MAF: variants seen among roughly 807,000 people sequenced by gnomAD.
MAF encodes the protein MAF bZIP transcription factor.
A neutral mutation model predicts 22.0 loss-of-function variants in MAF; 10 were observed. The observed-to-expected ratio is 0.45, with a 90% CI of 0.28 to 0.77. The LOEUF (loss-of-function observed/expected upper bound fraction) is 0.77. MAF is among the 30% of genes least tolerant of loss of function. The pLI, the probability that MAF is intolerant of heterozygous loss-of-function variation, is 0.12. For missense variants in MAF, 544 were observed against 548.4 expected (o/e 0.99, Z 0.08); for synonymous variants, 337 against 255.8 (o/e 1.32, Z -3.03).
chr16:79,393,004 G>C, the MAF span, among the ~76,000 whole-genome samples: 1 of 152,168 alleles, frequency 6.6e-6, no homozygotes, highest in African/African-American at 2.4e-5. Flanking sequence ...ACAATTAAAA[G>C]ACTCTCTTCC....
chr16:79,222,456 C>G, the MAF span, among the ~76,000 whole-genome samples: 1 of 152,078 alleles, frequency 6.6e-6, no homozygotes, highest in Non-Finnish European at 1.5e-5. Context: ...TAGCTAGCAT[C>G]ATAATGACAG....
the MAF span, among the ~76,000 whole-genome samples, chr16:79,283,967 C>CA: frequency 0.62 from 70,896 of 114,416 alleles, 23,013 homozygotes; most frequent in South Asian, 0.71. Flanking sequence ...ACCTCCTCCT[C>CA]AAAAAAAAAA....
the MAF span, among the ~76,000 whole-genome samples, chr16:79,452,143 C>T: frequency 2.0e-5 from 3 of 152,116 alleles, no homozygotes; most frequent in Non-Finnish European, 4.4e-5. Flanking sequence ...GACAGTGTGG[C>T]CTGCAAAGCC....
the MAF span, among the ~76,000 whole-genome samples, chr16:79,392,264 A>C: frequency 2.1e-5 from 3 of 144,604 alleles, no homozygotes; most frequent in Non-Finnish European, 3.0e-5. Context: ...AAAAGAGTAG[A>C]AGGAGGAGGA....
At chr16:79,238,098 A>G in the MAF span, among the ~76,000 whole-genome samples, 1 of 152,092 alleles carries the variant, frequency 6.6e-6, no homozygotes, top group Non-Finnish European at 1.5e-5. Context: ...TTTGACCTGC[A>G]GTCATCAGCA....
the MAF span, among the ~76,000 whole-genome samples, chr16:79,380,107 G>T: frequency 6.6e-6 from 1 of 152,114 alleles, no homozygotes; most frequent in Non-Finnish European, 1.5e-5. Context: ...ACAACTCTTT[G>T]GACCAACTAG....
chr16:79,284,289 A>G, the MAF span, among the ~76,000 whole-genome samples: 19 of 152,194 alleles, frequency 1.2e-4, no homozygotes, highest in Non-Finnish European at 2.4e-4. Context: ...TCTTTCTGCC[A>G]TATGCATTCT....
At chr16:79,597,715 G>A in intron 1 of MAF, 3 of 1,019,552 alleles carry the variant, frequency 2.9e-6, no homozygotes, top group Non-Finnish European at 3.5e-6. Context: ...TGAATGCCAT[G>A]CTATAAGTCT....
chr16:79,510,664 C>A, the MAF span, among the ~76,000 whole-genome samples: 30 of 152,322 alleles, frequency 2.0e-4, no homozygotes, highest in Non-Finnish European at 3.7e-4. Flanking sequence ...ACAATAGGGA[C>A]AGCTTCATGG....
the MAF span, among the ~76,000 whole-genome samples, chr16:79,464,166 T>C: frequency 5.9e-5 from 9 of 152,156 alleles, no homozygotes; most frequent in Non-Finnish European, 1.0e-4. Flanking sequence ...CAATCATGCA[T>C]TGTGCAGAAC....
downstream of MAF, among the ~76,000 whole-genome samples, chr16:79,582,471 T>A (rs150555119): frequency 3.4e-3 from 514 of 152,316 alleles, 2 homozygotes; most frequent in Middle Eastern, 6.8e-3. Flanking sequence ...CAGAGTTGAC[T>A]GAAAATAATA....
chr16:79,468,877 C>T, the MAF span, among the ~76,000 whole-genome samples: 5 of 152,118 alleles, frequency 3.3e-5, no homozygotes, highest in South Asian at 2.1e-4. Context: ...CTTCTAATGG[C>T]GACCTCTTGT....
the MAF span, among the ~76,000 whole-genome samples, chr16:79,484,170 C>T: frequency 3.9e-5 from 6 of 152,146 alleles, no homozygotes; most frequent in Admixed American, 6.5e-5. Flanking sequence ...GTTAAGGGAC[C>T]TGCCGACAGT....
chr16:79,576,353 G>C, the MAF span, among the ~76,000 whole-genome samples: 327 of 151,718 alleles, frequency 2.2e-3, 1 homozygote, highest in African/African-American at 7.7e-3. Flanking sequence ...CATGTTCTTG[G>C]AAGTTTGAAA....
chr16:79,264,345 G>A, the MAF span: 1 of 152,198 alleles, frequency 6.6e-6, no homozygotes, highest in African/African-American at 2.4e-5. Context: ...AACACATTGG[G>A]TGTGTTCTTT....
At chr16:79,539,007 C>T in the MAF span, among the ~76,000 whole-genome samples, 1 of 151,602 alleles carries the variant, frequency 6.6e-6, no homozygotes, top group South Asian at 2.1e-4. Flanking sequence ...ACAAAAACGG[C>T]CATAAATAAA....
At chr16:79,497,513 C>T in the MAF span, among the ~76,000 whole-genome samples, 1 of 152,290 alleles carries the variant, frequency 6.6e-6, no homozygotes, top group East Asian at 1.9e-4. Flanking sequence ...TAGGCCTATA[C>T]CTAGCTCTTT....
At chr16:79,573,329 C>A in the MAF span, among the ~76,000 whole-genome samples, 30 of 152,192 alleles carry the variant, frequency 2.0e-4, 1 homozygote, top group Admixed American at 1.5e-3. Context: ...TTACATCAGG[C>A]TAAGGAAAAT....
the MAF span, among the ~76,000 whole-genome samples, chr16:79,330,252 G>A: frequency 6.6e-6 from 1 of 152,128 alleles, no homozygotes; most frequent in African/African-American, 2.4e-5. Context: ...TGACGCTAGT[G>A]GGCATTTTGT....
Sources: gnomAD v4.1 joint callset for allele counts (sites outside exome capture counted in the v4.1 genomes callset) on GRCh38, gnomAD v4.1.1 for gene constraint, MANE v1.5 for transcripts, NCBI Gene and HGNC (gene_info 2026-07-23, HGNC 2026-07-21) for gene names.